The following MECOM variants were observed in gnomAD, a reference collection of about 807,000 sequenced individuals.
MECOM encodes the protein MDS1 and EVI1 complex locus, also known as histone-lysine N-methyltransferase MECOM.
A neutral mutation model predicts 116.3 loss-of-function variants in MECOM; 13 were observed. The ratio of observed to expected loss-of-function variants is 0.11; its 90% CI spans 0.07 to 0.18. The LOEUF (loss-of-function observed/expected upper bound fraction) is 0.18. Among genes scored for constraint, MECOM ranks in the 10% least tolerant of loss-of-function variants. MECOM has a pLI of 1.00. For synonymous variants in MECOM, 528 were observed against 535.2 expected (o/e 0.99, Z 0.19); for missense variants, 1,299 against 1,509.0 (o/e 0.86, Z 2.31).
At chr3:169,602,204 G>A (rs1225738446) in intron 1 of MECOM, among the ~76,000 whole-genome samples, 1 of 152,146 alleles carries the variant, frequency 6.6e-6, no homozygotes, top group Non-Finnish European at 1.5e-5. Flanking sequence ...GATGGATATG[G>A]CACCTTTACA....
At chr3:169,176,397 G>C (rs1031028978) in intron 2 of MECOM, among the ~76,000 whole-genome samples, 10 of 152,242 alleles carry the variant, frequency 6.6e-5, no homozygotes, top group Admixed American at 6.5e-4. Context: ...ATGGTGCTGG[G>C]AAAACTGGCT....
At chr3:169,126,264 G>A (rs1023979351) in intron 5 of MECOM, among the ~76,000 whole-genome samples, 1 of 152,028 alleles carries the variant, frequency 6.6e-6, no homozygotes, top group African/African-American at 2.4e-5. Flanking sequence ...AAGTATTGCT[G>A]TACACTCTTA....
At chr3:169,322,306 C>G (rs955049622) in intron 2 of MECOM, among the ~76,000 whole-genome samples, 1 of 152,132 alleles carries the variant, frequency 6.6e-6, no homozygotes, top group Non-Finnish European at 1.5e-5. Flanking sequence ...ATAAAGATAA[C>G]ACCTATTTGG....
chr3:169,584,450 A>G (rs948143525), intron 1 of MECOM, among the ~76,000 whole-genome samples: 1 of 151,628 alleles, frequency 6.6e-6, no homozygotes, highest in Non-Finnish European at 1.5e-5. Context: ...CTGTAGTCCC[A>G]GCTACTCAGG....
chr3:169,485,963 AC>A (rs1560340628), intron 1 of MECOM, among the ~76,000 whole-genome samples: 3,146 of 72,252 alleles, frequency 0.044, 58 homozygotes, highest in African/African-American at 0.078. Context: ...GTACATATAT[AC>A]TATATATACA....
At chr3:169,160,209 A>C (rs1040285256) in intron 2 of MECOM, among the ~76,000 whole-genome samples, 1 of 152,180 alleles carries the variant, frequency 6.6e-6, no homozygotes, top group Non-Finnish European at 1.5e-5. Context: ...AAGTGATAGG[A>C]ATACAAATTC....
intron 1 of MECOM, among the ~76,000 whole-genome samples, chr3:169,388,597 T>TA (rs1432371163): frequency 2.0e-5 from 3 of 152,100 alleles, no homozygotes; most frequent in African/African-American, 4.8e-5. Flanking sequence ...GGTGCAGAAT[T>TA]ACAGGCTTAG....
At chr3:169,647,938 C>T (rs754723157) in intron 1 of MECOM, among the ~76,000 whole-genome samples, 36 of 152,106 alleles carry the variant, frequency 2.4e-4, no homozygotes, top group Middle Eastern at 3.4e-3. Context: ...GCATTATCCG[C>T]CAGAAAACAT....
intron 5 of MECOM, among the ~76,000 whole-genome samples, chr3:169,123,403 G>A (rs1041450896): frequency 2.0e-5 from 3 of 151,414 alleles, no homozygotes; most frequent in African/African-American, 7.3e-5. Flanking sequence ...TTAAGTGGAT[G>A]CAACATTTAA....
chr3:169,415,166 C>T (rs111494424), intron 1 of MECOM, among the ~76,000 whole-genome samples: 1,988 of 152,282 alleles, frequency 0.013, 21 homozygotes, highest in Middle Eastern at 0.041. Context: ...AGAAGCCCAT[C>T]AGACTAACAG....
At chr3:169,530,328 C>T (rs1259205523) in intron 1 of MECOM, among the ~76,000 whole-genome samples, 1 of 152,138 alleles carries the variant, frequency 6.6e-6, no homozygotes, top group Non-Finnish European at 1.5e-5. Flanking sequence ...GCATCTTTAA[C>T]AAGGAGGTAG....
intron 1 of MECOM, among the ~76,000 whole-genome samples, chr3:169,608,730 A>C (rs1460823795): frequency 6.6e-6 from 1 of 152,210 alleles, no homozygotes; most frequent in Non-Finnish European, 1.5e-5. Context: ...CGTTCTGTTA[A>C]AGTACGATAA....
At chr3:169,604,238 T>TCTCC (rs1183514004) in intron 1 of MECOM, among the ~76,000 whole-genome samples, 1 of 151,364 alleles carries the variant, frequency 6.6e-6, no homozygotes, top group Non-Finnish European at 1.5e-5. Flanking sequence ...TCTCTCTCTC[T>TCTCC]CTCCCTCCCT....
intron 1 of MECOM, among the ~76,000 whole-genome samples, chr3:169,572,799 A>G (rs1328270390): frequency 2.6e-5 from 4 of 151,314 alleles, no homozygotes; most frequent in Non-Finnish European, 4.4e-5. Context: ...GGACACAGGG[A>G]GGGCAACATC....
chr3:169,528,794 T>C (rs1205922305), intron 1 of MECOM, among the ~76,000 whole-genome samples: 2 of 152,194 alleles, frequency 1.3e-5, no homozygotes, highest in South Asian at 2.1e-4. Flanking sequence ...GTGCCTTAAA[T>C]AGAAACAACC....
intron 2 of MECOM, among the ~76,000 whole-genome samples, chr3:169,229,272 G>A (rs575555324): frequency 3.3e-4 from 50 of 152,236 alleles, no homozygotes; most frequent in Admixed American, 2.3e-3. Flanking sequence ...ATCCACGCAT[G>A]TGAGATGGTT....
intron 1 of MECOM, among the ~76,000 whole-genome samples, chr3:169,636,652 G>A (rs940983895): frequency 6.6e-6 from 1 of 152,174 alleles, no homozygotes; most frequent in Non-Finnish European, 1.5e-5. Flanking sequence ...CTGTCCCCCA[G>A]TTGACCATTA....
intron 7 of MECOM, among the ~76,000 whole-genome samples, chr3:169,119,151 C>T (rs370011181): frequency 3.9e-4 from 60 of 152,292 alleles, no homozygotes; most frequent in South Asian, 3.9e-3. Context: ...TGGGCTCAAG[C>T]GTGGCAGCAC....
At chr3:169,125,254 A>G (rs1185250343) in intron 5 of MECOM, among the ~76,000 whole-genome samples, 3 of 152,214 alleles carry the variant, frequency 2.0e-5, no homozygotes, top group South Asian at 4.1e-4. Context: ...TTAATAAAAG[A>G]GTTAAGACAG....
Sources: gnomAD v4.1 joint callset for allele counts (sites outside exome capture counted in the v4.1 genomes callset) on GRCh38, gnomAD v4.1.1 for gene constraint, MANE v1.5 for transcripts, NCBI Gene and HGNC (gene_info 2026-07-23, HGNC 2026-07-21) for gene names.